The following LRRC4C variants were observed in gnomAD, a reference collection of about 807,000 sequenced individuals.
The protein encoded by LRRC4C is leucine rich repeat containing 4C.
Under a neutral mutation model 33.6 loss-of-function variants are expected in LRRC4C, and 5 were observed. The ratio of observed to expected loss-of-function variants is 0.15; its 90% CI spans 0.08 to 0.31. LRRC4C has a LOEUF of 0.31. Ranked by LOEUF, LRRC4C falls within the 10% of genes least tolerant of loss-of-function variation. The probability of loss-of-function intolerance (pLI) is 1.00; values close to 1 mark genes in which losing one functional copy is unlikely to be tolerated. For missense variants in LRRC4C, 560 were observed against 796.7 expected (o/e 0.70, Z 3.58); for synonymous variants, 329 against 302.0 (o/e 1.09, Z -0.93).
At chr11:40,716,431 G>A (rs2136641117) in intron 2 of LRRC4C, among the ~76,000 whole-genome samples, 1 of 152,020 alleles carries the variant, frequency 6.6e-6, no homozygotes, top group South Asian at 2.1e-4. Flanking sequence ...AATTCTTATT[G>A]CAGCTTCCAT....
Position 41,033,248 on chromosome 11 carries a change from T to C in LRRC4C, c.-495-99525A>G, listed in dbSNP as rs1335931901. Among the ~76,000 whole-genome samples, 7 of 152,040 alleles carry C rather than the reference T, an allele frequency of 4.6e-5. No homozygotes were observed. In the East Asian group the frequency reaches 1.4e-3, roughly 30 times the overall value. ...GAAACTGGTCTGAAAAACTAGAACA[T>C]GGGAAGATGAAAGAAGTCACAAGCA... On this transcript the variant is annotated intron_variant, in intron 1 of 6. Transcript: ENST00000528697.
intron 2 of LRRC4C, among the ~76,000 whole-genome samples, chr11:40,740,080 G>A (rs548109973): frequency 6.6e-6 from 1 of 151,864 alleles, no homozygotes; most frequent in East Asian, 1.9e-4. Context: ...GAACACTTGG[G>A]TTGATTCCAT....
intron 2 of LRRC4C, among the ~76,000 whole-genome samples, chr11:40,695,889 G>A (rs7926912): frequency 0.14 from 21,209 of 151,688 alleles, 1,554 homozygotes; most frequent in African/African-American, 0.19. Flanking sequence ...CATCTTCATA[G>A]TCTTTTTTTC....
At chr11:40,788,101 A>T (rs1205151407) in intron 2 of LRRC4C, among the ~76,000 whole-genome samples, 1 of 152,218 alleles carries the variant, frequency 6.6e-6, no homozygotes, top group Non-Finnish European at 1.5e-5. Context: ...AACATGCAGA[A>T]GTTCTCACAT....
intron 3 of LRRC4C, among the ~76,000 whole-genome samples, chr11:40,340,358 GA>G (rs559589110): frequency 6.6e-6 from 1 of 151,760 alleles, no homozygotes; most frequent in Non-Finnish European, 1.5e-5. Context: ...GAAAATAGAA[GA>G]AAAAAACAGA....
intron 1 of LRRC4C, among the ~76,000 whole-genome samples, chr11:41,045,198 G>T (rs577124199): frequency 1.5e-5 from 2 of 132,592 alleles, no homozygotes; most frequent in South Asian, 4.5e-4. Context: ...TGCTGTAAGA[G>T]ACCTTAAAAG....
chr11:40,799,839 GT>G (rs1258617146), intron 2 of LRRC4C, among the ~76,000 whole-genome samples: 3 of 152,052 alleles, frequency 2.0e-5, no homozygotes, highest in African/African-American at 7.2e-5. Context: ...TTTTCTCTTT[GT>G]AAAAAGATGA....
intron 1 of LRRC4C, among the ~76,000 whole-genome samples, chr11:41,395,861 T>C (rs1953788325): frequency 6.6e-6 from 1 of 152,054 alleles, no homozygotes; most frequent in African/African-American, 2.4e-5. Context: ...CAAAAAGTAC[T>C]GCACTTTTTG....
chr11:40,249,982 G>A lies in LRRC4C; in HGVS notation c.-175-8384C>T, dbSNP rs889759272. 2.7e-5 allele frequency among the ~76,000 whole-genome samples: 4 copies of A among 145,704 alleles called. No individual in the cohort carries two copies. In the East Asian group the frequency reaches 8.2e-4, roughly 30 times the overall value. ...TGCGCCAAGGGGCAAGTTAAGCCCTGGAGACTGTCGCATTGCATGTTTGCA... is the reference window on the plus strand; with the variant it reads ...TGCGCCAAGGGGCAAGTTAAGCCCTAGAGACTGTCGCATTGCATGTTTGCA... On this transcript the variant is annotated intron_variant, in intron 4 of 6. Coordinates refer to ENST00000528697, the MANE Select transcript of LRRC4C (RefSeq NM_001258419.2).
At chr11:40,259,013 A>G (rs1867455541) in intron 4 of LRRC4C, among the ~76,000 whole-genome samples, 1 of 152,214 alleles carries the variant, frequency 6.6e-6, no homozygotes, top group African/African-American at 2.4e-5. Context: ...AATGCTTGTA[A>G]CAACTCTCTG....
At chr11:40,801,766 C>T (rs888563793) in intron 2 of LRRC4C, among the ~76,000 whole-genome samples, 1 of 151,032 alleles carries the variant, frequency 6.6e-6, no homozygotes, top group Non-Finnish European at 1.5e-5. Context: ...TTTTTTTGAC[C>T]TAAAAGTAAT....
At chr11:41,457,799 C>A (rs1257483113) in intron 1 of LRRC4C, among the ~76,000 whole-genome samples, 2 of 152,032 alleles carry the variant, frequency 1.3e-5, no homozygotes, top group African/African-American at 4.8e-5. Flanking sequence ...GTACCAGGTA[C>A]AAGGTTGCTC....
At chr11:40,904,485 A>G (rs983140602) in intron 2 of LRRC4C, among the ~76,000 whole-genome samples, 3 of 152,236 alleles carry the variant, frequency 2.0e-5, no homozygotes, top group African/African-American at 7.2e-5. Flanking sequence ...CCCGAAATAA[A>G]GAGCTTTGCC....
At chr11:40,392,457 G>T (rs1402769396) in intron 3 of LRRC4C, among the ~76,000 whole-genome samples, 1 of 151,966 alleles carries the variant, frequency 6.6e-6, no homozygotes, top group Non-Finnish European at 1.5e-5. Context: ...ATGTTCTGCA[G>T]AAATTTTCTG....
intron 1 of LRRC4C, among the ~76,000 whole-genome samples, chr11:41,359,005 G>T (rs1371171036): frequency 6.6e-6 from 1 of 151,980 alleles, no homozygotes; most frequent in African/African-American, 2.4e-5. Flanking sequence ...ATAAACTGAG[G>T]TACATTCAGA....
In LRRC4C at chr11:40,678,688, C is replaced by T. The variant is rs150911773; in HGVS notation, c.-406-30410G>A. 5.8e-4 allele frequency among the ~76,000 whole-genome samples: 88 copies of T among 152,116 alleles called. 1 individual carries two copies. The highest frequency in any genetic ancestry group is 1.5e-3 in the African/African-American group (64 of 41,514). On this transcript the variant is annotated intron_variant, in intron 2 of 6. Coordinates refer to ENST00000528697, the MANE Select transcript of LRRC4C (RefSeq NM_001258419.2). Reference sequence around the variant, plus strand: ...AATTCCCCTGCACAAGTTCTTTGCCCGCCGCCACGTAAGACGTCCCTTTGC... The same window carrying T: ...AATTCCCCTGCACAAGTTCTTTGCCTGCCGCCACGTAAGACGTCCCTTTGC...
chr11:40,858,870 A>G (rs1187586495), intron 2 of LRRC4C, among the ~76,000 whole-genome samples: 1 of 152,132 alleles, frequency 6.6e-6, no homozygotes, highest in East Asian at 1.9e-4. Context: ...GACATGGGTA[A>G]TGTCACCAAA....
At chr11:41,420,560 T>G (rs1357248918) in intron 1 of LRRC4C, among the ~76,000 whole-genome samples, 1 of 152,012 alleles carries the variant, frequency 6.6e-6, no homozygotes, top group Non-Finnish European at 1.5e-5. Flanking sequence ...AACAAAAATA[T>G]AAACACTTTT....
intron 3 of LRRC4C, among the ~76,000 whole-genome samples, chr11:40,371,205 C>A (rs111738620): frequency 6.6e-6 from 1 of 152,058 alleles, no homozygotes; most frequent in African/African-American, 2.4e-5. Flanking sequence ...ATGTCATAGA[C>A]AAGTATATCT....
Sources: gnomAD v4.1 joint callset for allele counts (sites outside exome capture counted in the v4.1 genomes callset) on GRCh38, gnomAD v4.1.1 for gene constraint, MANE v1.5 for transcripts, NCBI Gene and HGNC (gene_info 2026-07-23, HGNC 2026-07-21) for gene names.